SYTL2: variants seen among roughly 807,000 people sequenced by gnomAD.
The protein encoded by SYTL2 is synaptotagmin like 2, also known as synaptotagmin-like protein 2.
SYTL2 carries 165 observed loss-of-function variants against 198.7 expected under a neutral mutation model. The observed-to-expected ratio is 0.83, with a 90% CI of 0.73 to 0.94. SYTL2 has a LOEUF of 0.94. SYTL2 is among the 40% of genes least tolerant of loss of function. SYTL2 has a pLI of 0.00. For synonymous variants in SYTL2, 966 were observed against 917.7 expected, an observed-to-expected ratio of 1.05 and a Z score of -0.95; for missense variants, 2,835 against 2,582.8, an observed-to-expected ratio of 1.10 and a Z score of -2.12.
At chr11:85,802,220 C>CTTTTTTTTTTTTTTTT (rs5793172) in intron 1 of SYTL2, among the ~76,000 whole-genome samples, 2 of 122,588 alleles carry the variant, frequency 1.6e-5, no homozygotes, top group Non-Finnish European at 3.3e-5. Context: ...TTTTTCTTTT[C>CTTTTTTTTTTTTTTTT]TTTTTTTTTT....
Position 85,727,431 on chromosome 11 carries a change from C to T in SYTL2, c.1927G>A (p.Gly643Arg). The stretch of plus-strand genomic sequence containing the variant: ...TGGCTATAGTCCATATTTTTACTCC[C>T]TTGACTTGGGGTGCCATAGCTTTCA... ...PFESYGTPSQ[G>R]SKNMDYSQDS... The change falls in exon 8 of 20, where the codon GGG becomes AGG. Residue 643 changes from glycine (G) to arginine (R), a missense_variant. Physicochemically the swap from Gly to Arg is moderately radical, Grantham distance 125. Coordinates refer to ENST00000359152, the MANE Select transcript of SYTL2 (RefSeq NM_206927.4). 1 of 1,536,200 alleles carries T rather than the reference C, an allele frequency of 6.5e-7. No individual in the cohort carries two copies. The highest frequency in any genetic ancestry group is 8.7e-7 in the Non-Finnish European group (1 of 1,146,882).
In SYTL2 at chr11:85,725,048, T is replaced by G. The variant is rs374652361; in HGVS notation, c.4310A>C (p.Asn1437Thr). 1 of 1,614,084 alleles carries G rather than the reference T, an allele frequency of 6.2e-7. No individual in the cohort carries two copies. The highest frequency in any genetic ancestry group is 1.3e-5 in the African/African-American group (1 of 74,924). The change falls in exon 8 of 20, where the codon AAT becomes ACT. Residue 1437 changes from asparagine (N) to threonine (T), a missense_variant. Asn to Thr is a moderately conservative substitution (Grantham distance 65, BLOSUM62 0). Transcript: ENST00000359152. ...TTCATGAGTTTTATCAGGAACTACA[T>G]TGGAGGAATAAAAATCCTTCCTGTC... is the stretch of plus-strand genomic sequence containing the variant. ...VPDRKDFYSSNVVPDKTHEVG... is the reference protein window; with the variant it reads ...VPDRKDFYSSTVVPDKTHEVG...
rs1178653887 is a variant in SYTL2 at position 85,728,034 on chromosome 11, T to A, written c.1391-67A>T. ...CTTAAAGAACTGTTAATCATTCACA[T>A]CATCATCTTTATAAAAGCACTTTGT... On this transcript the variant is annotated intron_variant, in intron 7 of 19. Coordinates refer to ENST00000359152, the MANE Select transcript of SYTL2 (RefSeq NM_206927.4). 1.4e-5 allele frequency: 19 copies of A among 1,375,642 alleles called. No individual in the cohort carries two copies. The East Asian group carries it at 2.4e-4, about 17-fold the overall frequency. The allele number at this position is 1,375,642 out of a possible 1,614,324, so 85.2% of individuals were successfully genotyped here.
chr11:85,702,846 A>G (rs150325798), intron 16 of SYTL2, among the ~76,000 whole-genome samples: 18 of 152,356 alleles, frequency 1.2e-4, no homozygotes, highest in African/African-American at 4.1e-4. Flanking sequence ...GGACTCACAA[A>G]TGTTTAAGAT....
Position 85,725,926 on chromosome 11 carries a change from T to C in SYTL2, c.3432A>G (p.Ser1144=). ...CACCAGAGGGTTGAATTGCTGGTGT[T>C]GAGGTTTCTGAAAGCAGTTTCTGCA... The part of the protein sequence containing the change: ...DSLQKLLSET[S]TPAIQPSGGK... The change falls in exon 8 of 20, where the codon TCA becomes TCG. Residue 1144 remains serine, a synonymous_variant. Coordinates refer to ENST00000359152, the MANE Select transcript of SYTL2 (RefSeq NM_206927.4). 6 of 1,614,186 alleles carry C rather than the reference T, an allele frequency of 3.7e-6. No homozygotes were observed. The highest frequency in any genetic ancestry group is 5.1e-6 in the Non-Finnish European group (6 of 1,180,012).
the SYTL2 span, among the ~76,000 whole-genome samples, chr11:85,818,644 A>G: frequency 7.3e-6 from 1 of 137,752 alleles, no homozygotes; most frequent in East Asian, 2.2e-4. Context: ...AGATCATGGT[A>G]ATGTATAAAT....
At position 85,730,492 on chromosome 11, in the gene SYTL2, C is replaced by T. The variant is rs909337084; in HGVS notation, c.1391-2525G>A. 2.6e-5 allele frequency among the ~76,000 whole-genome samples: 4 copies of T among 152,146 alleles called. No homozygotes were observed. In the East Asian group the frequency reaches 7.7e-4, roughly 29 times the overall value. ...ACGTAAACAGAACCAATGACAAAAA[C>T]CACATGATTATCTCAATAGATGCAG... On this transcript the variant is annotated intron_variant, in intron 7 of 19. Coordinates refer to ENST00000359152, the MANE Select transcript of SYTL2 (RefSeq NM_206927.4).
chr11:85,739,679 G>A (rs190356313), intron 4 of SYTL2, among the ~76,000 whole-genome samples: 27 of 152,160 alleles, frequency 1.8e-4, no homozygotes, highest in African/African-American at 5.8e-4. Context: ...TCATCTCTAT[G>A]TTATCTATCA....
At chr11:85,776,384 T>A (rs2092451596) in intron 1 of SYTL2, among the ~76,000 whole-genome samples, 1 of 152,230 alleles carries the variant, frequency 6.6e-6, no homozygotes, top group Admixed American at 6.5e-5. Context: ...TTTCTCCTAA[T>A]GTTATCCCTC....
At chr11:85,740,510 A>G (rs955830460) in intron 4 of SYTL2, among the ~76,000 whole-genome samples, 2 of 152,198 alleles carry the variant, frequency 1.3e-5, no homozygotes, top group Non-Finnish European at 2.9e-5. Flanking sequence ...ATATCTTCAT[A>G]AATCGGTGCA....
intron 1 of SYTL2, among the ~76,000 whole-genome samples, chr11:85,806,868 G>C (rs1311464457): frequency 6.6e-6 from 1 of 152,272 alleles, no homozygotes; most frequent in Non-Finnish European, 1.5e-5. Flanking sequence ...GGCTCAGGGA[G>C]AAAGTGTGAC....
Position 85,725,261 on chromosome 11 carries a change from A to G in SYTL2, c.4097T>C (p.Val1366Ala). The G allele has an allele frequency of 6.2e-7, 1 of 1,614,148 alleles. No individual in the cohort carries two copies. The highest frequency in any genetic ancestry group is 8.5e-7 in the Non-Finnish European group (1 of 1,180,024). The change falls in exon 8 of 20, where the codon GTA becomes GCA. Residue 1366 changes from valine (V) to alanine (A), a missense_variant. Transcript: ENST00000359152. ...VEKVILPPRP[V>A]LNDVSAALQK... ...TAATGCAGCACTTACATCATTCAATACAGGTCTGGGTGGAAGAATGACTTT... is the reference window on the plus strand; with the variant it reads ...TAATGCAGCACTTACATCATTCAATGCAGGTCTGGGTGGAAGAATGACTTT...
the SYTL2 span, among the ~76,000 whole-genome samples, chr11:85,845,027 C>T: frequency 6.6e-6 from 1 of 152,166 alleles, no homozygotes; most frequent in African/African-American, 2.4e-5. Context: ...GTTTGCAATG[C>T]CCTCTGTCCC....
intron 1 of SYTL2, among the ~76,000 whole-genome samples, chr11:85,794,621 G>C (rs1443241803): frequency 1.3e-5 from 2 of 152,126 alleles, no homozygotes; most frequent in Non-Finnish European, 2.9e-5. Context: ...TTATCCCTTG[G>C]TGAGGAAACT....
upstream of SYTL2, among the ~76,000 whole-genome samples, chr11:85,813,375 G>A (rs1237630417): frequency 6.6e-6 from 1 of 152,160 alleles, no homozygotes; most frequent in African/African-American, 2.4e-5. Flanking sequence ...AAAAGAAGAT[G>A]CACATGTTTA....
At chr11:85,810,273 T>C (rs983719413) in intron 1 of SYTL2, among the ~76,000 whole-genome samples, 4 of 151,952 alleles carry the variant, frequency 2.6e-5, no homozygotes, top group African/African-American at 7.3e-5. Flanking sequence ...GTGGAGCCCC[T>C]CAAGGTCAAA....
intron 1 of SYTL2, among the ~76,000 whole-genome samples, chr11:85,788,149 T>G (rs1402301160): frequency 6.6e-6 from 1 of 152,170 alleles, no homozygotes; most frequent in Non-Finnish European, 1.5e-5. Flanking sequence ...ACTATGCTAA[T>G]TCAGTCAGTT....
Position 85,710,313 on chromosome 11 carries a change from T to C in SYTL2, c.5745+800A>G, listed in dbSNP as rs78051766. On this transcript the variant is annotated intron_variant, in intron 13 of 19. Transcript: ENST00000359152. ...GGAAGGGTAGAAAATGGATGATTGA[T>C]GAAGGGAGTTTAAAACCTTCCCAAA... Among the ~76,000 whole-genome samples the C allele has an allele frequency of 5.8e-3, 877 of 152,338 alleles. 9 individuals carry two copies. The highest frequency in any genetic ancestry group is 9.6e-3 in the Non-Finnish European group (655 of 68,036).
chr11:85,776,824 C>T (rs1011246450), intron 1 of SYTL2, among the ~76,000 whole-genome samples: 11 of 152,220 alleles, frequency 7.2e-5, no homozygotes, highest in Non-Finnish European at 1.5e-5. Context: ...GGAATCACCA[C>T]AAACCTTTTT....
Sources: allele counts gnomAD v4.1 joint callset (sites outside exome capture counted in the v4.1 genomes callset), GRCh38; gene constraint gnomAD v4.1.1; transcripts MANE v1.5; gene names NCBI Gene and HGNC (gene_info 2026-07-23, HGNC 2026-07-21).